Variants in CKM observed in about 807,000 individuals in gnomAD.
CKM encodes creatine kinase M-type.
CKM carries 28 observed loss-of-function variants against 35.4 expected under a neutral mutation model. That is an observed-to-expected ratio of 0.79 (90% CI 0.59 to 1.08). CKM has a LOEUF of 1.08. Ranked by LOEUF, CKM falls within the 50% of genes least tolerant of loss-of-function variation. The pLI is 0.00. For missense variants in CKM, 484 were observed against 509.8 expected (o/e 0.95, Z 0.49); for synonymous variants, 215 against 204.4 (o/e 1.05, Z -0.44).
At chr19:45,309,500 G>A (rs976129333) in intron 5 of CKM, among the ~76,000 whole-genome samples, 5 of 147,274 alleles carry the variant, frequency 3.4e-5, no homozygotes, top group East Asian at 2.0e-4. Flanking sequence ...AGGCTGCAGC[G>A]AGCTATGATC....
chr19:45,311,555 C>T (rs752438942), intron 5 of CKM, among the ~76,000 whole-genome samples, 194 bp downstream of exon 5: 3 of 152,200 alleles, frequency 2.0e-5, no homozygotes, highest in Non-Finnish European at 2.9e-5. Context: ...ACCACTTCTC[C>T]GGTCCAGATA....
At chr19:45,307,390 C>T in intron 7 of CKM, 71 bp downstream of exon 7, 5 of 1,448,734 alleles carry the variant, frequency 3.5e-6, no homozygotes, top group Non-Finnish European at 4.8e-6. Context: ...GGATGTCGCA[C>T]CTCTCCTTGC....
At chr19:45,320,010 T>A (rs1463312753) in intron 1 of CKM, among the ~76,000 whole-genome samples, 1 of 151,908 alleles carries the variant, frequency 6.6e-6, no homozygotes, top group Admixed American at 6.6e-5. Flanking sequence ...AGGATAGTCT[T>A]GATCTCCTGA....
chr19:45,314,173 GA>G (rs554126367), intron 4 of CKM, among the ~76,000 whole-genome samples: 264 of 148,544 alleles, frequency 1.8e-3, no homozygotes, highest in African/African-American at 6.4e-3. Context: ...GAAAAGAAAG[GA>G]AAGGAAGGAA....
At chr19:45,312,952 TAA>T (rs35930252) in intron 4 of CKM, among the ~76,000 whole-genome samples, 5 of 135,966 alleles carry the variant, frequency 3.7e-5, no homozygotes, top group Non-Finnish European at 3.1e-5. Context: ...AGATTCTGTC[TAA>T]AAAAAAAAAA....
Position 45,319,746 on chromosome 19 carries a change from A to T in CKM, c.-18-15T>A, listed in dbSNP as rs878928633. 6.3e-7 allele frequency: 1 copy of T among 1,598,454 alleles called. No homozygotes were observed. On this transcript the variant is annotated splice_polypyrimidine_tract_variant and intron_variant, in intron 1 of 7. Transcript: ENST00000221476. ...GTGTAGGAGACCTGATGGGCAGGGCAGGAGGGGAAGATTGAAGATTAGCTG... is the reference window on the plus strand; with the variant it reads ...GTGTAGGAGACCTGATGGGCAGGGCTGGAGGGGAAGATTGAAGATTAGCTG...
intron 3 of CKM, among the ~76,000 whole-genome samples, chr19:45,316,969 G>A (rs2038705730): frequency 6.6e-6 from 1 of 152,058 alleles, no homozygotes; most frequent in Admixed American, 6.6e-5. Flanking sequence ...ACAAGCGTGA[G>A]CCACTGTGCC....
chr19:45,313,442 C>T (rs924239723), intron 4 of CKM, among the ~76,000 whole-genome samples: 1 of 152,164 alleles, frequency 6.6e-6, no homozygotes, highest in Admixed American at 6.6e-5. Context: ...CTTGAGCCTC[C>T]GTATTCCCTG....
chr19:45,320,897 T>TATTATTATC (rs1478348795), intron 1 of CKM, among the ~76,000 whole-genome samples: 1 of 151,362 alleles, frequency 6.6e-6, no homozygotes, highest in African/African-American at 2.4e-5. Context: ...CTGCTATTAT[T>TATTATTATC]ATTATTATTA....
chr19:45,311,922 T>C lies in CKM; in HGVS notation c.482-2A>G, dbSNP rs1309587635. 6.2e-7 allele frequency: 1 copy of C among 1,613,860 alleles called. No homozygotes were observed. The highest frequency in any genetic ancestry group is 2.2e-5 in the East Asian group (1 of 44,886). On this transcript the variant is annotated splice_acceptor_variant, in intron 4 of 7. Transcript: ENST00000221476. LOFTEE classifies it high-confidence loss of function. The stretch of plus-strand genomic sequence containing the variant: ...ACTCGCCCGTCAGGCTGTTGAGAGC[T>C]ATGGGGACACACGAGGGAGTGGTCA...
chr19:45,307,381 G>C, intron 7 of CKM, 80 bp downstream of exon 7: 1 of 1,367,462 alleles, frequency 7.3e-7, no homozygotes, highest in South Asian at 1.2e-5. Context: ...AACTCGCAGG[G>C]ATGTCGCACC....
chr19:45,322,152 G>A (rs1410064090), intron 1 of CKM, among the ~76,000 whole-genome samples: 1 of 151,682 alleles, frequency 6.6e-6, no homozygotes, highest in South Asian at 2.1e-4. Context: ...CCTCCCTTCA[G>A]AGGATGCCCC....
At chr19:45,315,934 C>T (rs536398001) in intron 3 of CKM, among the ~76,000 whole-genome samples, 2 of 151,118 alleles carry the variant, frequency 1.3e-5, no homozygotes, top group South Asian at 4.2e-4. Context: ...ACCTCAAACT[C>T]CTGGGCTCAA....
intron 1 of CKM, among the ~76,000 whole-genome samples, chr19:45,320,653 G>T (rs1971205068): frequency 6.6e-6 from 1 of 152,126 alleles, no homozygotes; most frequent in South Asian, 2.1e-4. Flanking sequence ...ATTTTGTGTG[G>T]GTAAGAGTGT....
chr19:45,306,805 T>A lies in CKM; in HGVS notation c.1091A>T (p.Glu364Val). The A allele has an allele frequency of 6.2e-7, 1 of 1,614,150 alleles. No homozygotes were observed. Among genetic ancestry groups the A allele is most frequent in the Non-Finnish European group, 8.5e-7 (1 of 1,180,000 alleles). The change falls in exon 8 of 8, where the codon GAG becomes GTG. Residue 364 changes from glutamate to valine, a missense_variant. Coordinates refer to ENST00000221476, the MANE Select transcript of CKM (RefSeq NM_001824.5). The surrounding 1 kb of genome is among the most constrained non-coding windows in gnomAD (Gnocchi z 4.5). The stretch of plus-strand genomic sequence containing the variant: ...GGACTGGCCTTTCTCCAACTTCTTC[T>A]CCATTTCCACCATGAGCTTCACACC... ...VDGVKLMVEM[E>V]KKLEKGQSID...
intron 1 of CKM, among the ~76,000 whole-genome samples, chr19:45,320,587 C>T (rs1258531509): frequency 6.6e-6 from 1 of 152,222 alleles, no homozygotes; most frequent in Non-Finnish European, 1.5e-5. Flanking sequence ...GTCATTCTTG[C>T]TGGAAACTCA....
chr19:45,308,639 G>T, intron 5 of CKM, 107 bp from the exon 6 acceptor site: 1 of 1,463,348 alleles, frequency 6.8e-7, no homozygotes, highest in Non-Finnish European at 9.5e-7. Context: ...GAGGGCCTGA[G>T]GGGTGGGAGG....
chr19:45,309,017 G>A (rs981853935), intron 5 of CKM, among the ~76,000 whole-genome samples: 5 of 147,022 alleles, frequency 3.4e-5, no homozygotes, highest in South Asian at 2.2e-4. Context: ...CACAAGGTCA[G>A]GAGATCGACA....
chr19:45,312,022 T>C, intron 4 of CKM, 102 bp from the exon 5 acceptor site: 1 of 1,368,756 alleles, frequency 7.3e-7, no homozygotes, highest in Non-Finnish European at 1.0e-6. Context: ...GGCCTGGGCC[T>C]TGGCCCCCTG....
Sources: allele counts gnomAD v4.1 joint callset (sites outside exome capture counted in the v4.1 genomes callset), GRCh38; gene constraint gnomAD v4.1.1; non-coding constraint Gnocchi (gnomAD v3.1); transcripts MANE v1.5; gene names NCBI Gene and HGNC (gene_info 2026-07-23, HGNC 2026-07-21).